Variants in SPARCL1 observed in about 807,000 individuals in gnomAD.
SPARCL1 encodes SPARC-like protein 1.
In SPARCL1, 52 loss-of-function variants were observed where a neutral mutation model predicts 67.1. That is an observed-to-expected ratio of 0.78 (90% CI 0.62 to 0.98). The LOEUF (loss-of-function observed/expected upper bound fraction) is 0.98. Among genes scored for constraint, SPARCL1 ranks in the 50% least tolerant of loss-of-function variants. SPARCL1 has a pLI of 0.00. For synonymous variants in SPARCL1, 226 were observed against 267.8 expected, an observed-to-expected ratio of 0.84 and a Z score of 1.52; for missense variants, 717 against 782.4, an observed-to-expected ratio of 0.92 and a Z score of 1.00.
intron 6 of SPARCL1, 78 bp downstream of exon 6, chr4:87,490,682 A>T: frequency 1.9e-6 from 2 of 1,066,836 alleles, no homozygotes; most frequent in South Asian, 3.3e-5. Context: ...TTTTAAGCAA[A>T]AATTTCAATG....
chr4:87,522,587 C>T (rs1303236804), intron 1 of SPARCL1, among the ~76,000 whole-genome samples: 1 of 151,366 alleles, frequency 6.6e-6, no homozygotes, highest in Admixed American at 6.6e-5. Flanking sequence ...CACAAGTGTT[C>T]ACGCTGTCAG....
At chr4:87,484,673 T>C (rs1723978270) in intron 7 of SPARCL1, among the ~76,000 whole-genome samples, 1 of 152,206 alleles carries the variant, frequency 6.6e-6, no homozygotes, top group African/African-American at 2.4e-5. Flanking sequence ...CTTTGGGCAG[T>C]ACAACCATTT....
At chr4:87,478,275 G>A (rs1158333528) in intron 10 of SPARCL1, among the ~76,000 whole-genome samples, 1 of 152,002 alleles carries the variant, frequency 6.6e-6, no homozygotes, top group Non-Finnish European at 1.5e-5. Flanking sequence ...AAAATGGTAT[G>A]TATTTATCAT....
intron 8 of SPARCL1, 53 bp downstream of exon 8, chr4:87,482,371 T>C: frequency 6.3e-7 from 1 of 1,595,272 alleles, no homozygotes; most frequent in Non-Finnish European, 8.5e-7. Flanking sequence ...CACGTCTTTC[T>C]TCCTCATGCC....
Position 87,491,950 on chromosome 4 carries a change from C to G in SPARCL1, c.1219-260G>C, listed in dbSNP as rs1370671490. ...GGAAACTCCATCTCTACCCACCCCCCCCCCCAAAAAAAAAAAAATTAGCTG... is the reference window on the plus strand; with the variant it reads ...GGAAACTCCATCTCTACCCACCCCCGCCCCCAAAAAAAAAAAAATTAGCTG... On this transcript the variant is annotated intron_variant, in intron 4 of 10. Coordinates refer to ENST00000282470, the MANE Select transcript of SPARCL1 (RefSeq NM_004684.6). Among the ~76,000 whole-genome samples the G allele has an allele frequency of 2.1e-4, 17 of 80,760 alleles. 1 individual carries two copies. Among genetic ancestry groups the G allele is most frequent in the East Asian group, 7.1e-4 (2 of 2,798 alleles). The allele number at this position is 80,760 out of a possible 152,430, so 53.0% of individuals were successfully genotyped here.
At chr4:87,478,103 A>G (rs372909549) in intron 10 of SPARCL1, among the ~76,000 whole-genome samples, 3 of 152,188 alleles carry the variant, frequency 2.0e-5, no homozygotes, top group African/African-American at 7.2e-5. Context: ...GGAACTTCTG[A>G]CATTTGATGA....
At chr4:87,519,116 G>A (rs1203332684) in intron 1 of SPARCL1, among the ~76,000 whole-genome samples, 1 of 151,076 alleles carries the variant, frequency 6.6e-6, no homozygotes, top group Non-Finnish European at 1.5e-5. Flanking sequence ...CTGTTGCCCA[G>A]GCTGGAGTAC....
At position 87,499,556 on chromosome 4, in the gene SPARCL1, A is replaced by T; in HGVS notation, c.19T>A (p.Phe7Ile). ...GCTGCAGTTCCCAAGAGACATAGGAAAAAAAGCCCAGTCTTCATGCTTTCC... is the reference window on the plus strand; with the variant it reads ...GCTGCAGTTCCCAAGAGACATAGGATAAAAAGCCCAGTCTTCATGCTTTCC... MKTGLFFLCLLGTAAAI... is the reference protein window; with the variant it reads MKTGLFILCLLGTAAAI... The change falls in exon 2 of 11, where the codon TTC becomes ATC. Residue 7 changes from phenylalanine (F) to isoleucine (I), a missense_variant. Transcript: ENST00000282470. 1 of 1,592,396 alleles carries T rather than the reference A, an allele frequency of 6.3e-7. No homozygotes were observed. Among genetic ancestry groups the T allele is most frequent in the Non-Finnish European group, 8.5e-7 (1 of 1,175,024 alleles).
intron 10 of SPARCL1, 108 bp downstream of exon 10, chr4:87,479,322 C>T: frequency 1.2e-5 from 14 of 1,211,512 alleles, no homozygotes; most frequent in Non-Finnish European, 1.6e-5. Flanking sequence ...CTTTTTTTTT[C>T]TAGCTTCCAA....
chr4:87,473,984 A>G (rs1035526507), intron 10 of SPARCL1, among the ~76,000 whole-genome samples, 181 bp from the exon 11 acceptor site: 4 of 152,172 alleles, frequency 2.6e-5, no homozygotes, highest in Non-Finnish European at 4.4e-5. Flanking sequence ...TTTAGGCCTC[A>G]CCTCTGGACT....
In SPARCL1 at chr4:87,480,368, T is replaced by C; in HGVS notation, c.1817+4A>G. The C allele has an allele frequency of 6.3e-7, 1 of 1,584,856 alleles. No individual in the cohort carries two copies. The highest frequency in any genetic ancestry group is 8.6e-7 in the Non-Finnish European group (1 of 1,167,868). ...CTAGAAATGGAAAGGTAAAGAGTTCTTACCTATCCATAGGGTGTTGGTCAA... is the reference window on the plus strand; with the variant it reads ...CTAGAAATGGAAAGGTAAAGAGTTCCTACCTATCCATAGGGTGTTGGTCAA... On this transcript the variant is annotated splice_donor_region_variant and intron_variant, in intron 9 of 10. Coordinates refer to ENST00000282470, the MANE Select transcript of SPARCL1 (RefSeq NM_004684.6).
chr4:87,516,214 A>G (rs1725576818), intron 1 of SPARCL1, among the ~76,000 whole-genome samples: 1 of 152,106 alleles, frequency 6.6e-6, no homozygotes, highest in Non-Finnish European at 1.5e-5. Context: ...GAGTGGAGAG[A>G]TCCTGTGCCA....
intron 1 of SPARCL1, among the ~76,000 whole-genome samples, chr4:87,510,829 AC>A (rs1318385324): frequency 1.3e-5 from 2 of 152,244 alleles, no homozygotes; most frequent in Non-Finnish European, 2.9e-5. Context: ...TGAGCTGATA[AC>A]ACACTGCTGT....
At position 87,493,942 on chromosome 4, in the gene SPARCL1, C is replaced by T. The variant is rs1219412471; in HGVS notation, c.858G>A (p.Lys286=). 6.2e-7 allele frequency: 1 copy of T among 1,614,128 alleles called. No individual in the cohort carries two copies. The highest frequency in any genetic ancestry group is 1.1e-5 in the South Asian group (1 of 91,078). Residue 286 remains lysine, a synonymous_variant, in exon 4 of 11, where the codon AAG becomes AAA. Transcript: ENST00000282470. ...MEEENASNVN[K]HIQETEWQSQ... ...TCTGCCATTCAGTTTCTTGAATGTG[C>T]TTATTGACGTTCGATGCATTTTCCT...
chr4:87,486,673 C>A (rs1213496665), intron 7 of SPARCL1, among the ~76,000 whole-genome samples: 1 of 151,850 alleles, frequency 6.6e-6, no homozygotes, highest in Non-Finnish European at 1.5e-5. Context: ...TAAAGTCTCC[C>A]ACTATTATTG....
chr4:87,500,162 A>G (rs1410242188), intron 1 of SPARCL1, among the ~76,000 whole-genome samples: 1 of 152,208 alleles, frequency 6.6e-6, no homozygotes, highest in African/African-American at 2.4e-5. Flanking sequence ...GTCAAAATCC[A>G]AATTTCCAGT....
At chr4:87,508,889 G>GTGTATATATATATATA (rs1300541882) in intron 1 of SPARCL1, among the ~76,000 whole-genome samples, 1 of 138,360 alleles carries the variant, frequency 7.2e-6, no homozygotes, top group South Asian at 2.4e-4. Context: ...ATGTATATAA[G>GTGTATATATATATATA]TATATATATA....
rs772648225 is a variant in SPARCL1, at chr4:87,494,531, CT to C, written c.268del (p.Ser90ValfsTer8). On this transcript the variant is annotated frameshift_variant, in exon 4 of 11. Coordinates refer to ENST00000282470, the MANE Select transcript of SPARCL1 (RefSeq NM_004684.6). LOFTEE classifies it high-confidence loss of function. Reference protein sequence around the residue: ...SHEQSAEQGKSSSQELGLKDQ... With the variant: ...SHEQSAEQGKXSSQELGLKDQ... ...CTTCAATCCCAGCTCTTGGCTAGAACTCTTGCCCTGTTCTGCTGACTGTTCA... is the reference window on the plus strand; with the variant it reads ...CTTCAATCCCAGCTCTTGGCTAGAACCTTGCCCTGTTCTGCTGACTGTTCA... The C allele has an allele frequency of 1.9e-6, 3 of 1,614,108 alleles. No individual in the cohort carries two copies. The highest frequency in any genetic ancestry group is 2.5e-6 in the Non-Finnish European group (3 of 1,180,006).
In SPARCL1 at chr4:87,529,237, C is replaced by T. The variant is rs1726175755; in HGVS notation, c.-204G>A. 1 of 152,182 alleles carries T rather than the reference C, an allele frequency of 6.6e-6. No individual in the cohort carries two copies. The highest frequency in any genetic ancestry group is 2.1e-4 in the South Asian group (1 of 4,826). 9.4% of individuals were successfully genotyped at this position (152,182 alleles called of 1,614,324 possible). A position where few individuals can be genotyped will look rare whatever the true frequency, so the allele number is the denominator to read the frequency against. Reference sequence around the variant, plus strand: ...AGTTGAAATTCTGCTGCTCTGTCAACTAGTGGGGGTCTGAAGTGACAGACG... The same window carrying T: ...AGTTGAAATTCTGCTGCTCTGTCAATTAGTGGGGGTCTGAAGTGACAGACG... On this transcript the variant is annotated 5_prime_UTR_variant, in exon 1 of 11. Coordinates refer to ENST00000282470, the MANE Select transcript of SPARCL1 (RefSeq NM_004684.6).
Sources: gnomAD v4.1 joint callset for allele counts (sites outside exome capture counted in the v4.1 genomes callset) on GRCh38, gnomAD v4.1.1 for gene constraint, MANE v1.5 for transcripts, NCBI Gene and HGNC (gene_info 2026-07-23, HGNC 2026-07-21) for gene names.